The following SUPT3H variants were observed in gnomAD, a reference collection of about 807,000 sequenced individuals.
SUPT3H encodes the protein SPT3 homolog, SAGA and STAGA complex component, also known as transcription initiation protein SPT3 homolog.
In SUPT3H, 44 loss-of-function variants were observed where a neutral mutation model predicts 44.3. The observed-to-expected ratio is 0.99, with a 90% CI of 0.78 to 1.28. The LOEUF (loss-of-function observed/expected upper bound fraction) is 1.28, where lower values mean the gene tolerates loss of function less well. SUPT3H is among the 50% of genes most tolerant of loss of function. The pLI is 0.00. For synonymous variants in SUPT3H, 124 were observed against 125.6 expected, an observed-to-expected ratio of 0.99 and a Z score of 0.09; for missense variants, 380 against 387.1, an observed-to-expected ratio of 0.98 and a Z score of 0.15.
intron 2 of SUPT3H, among the ~76,000 whole-genome samples, chr6:45,283,936 T>A (rs1778676828): frequency 6.6e-6 from 1 of 152,106 alleles, no homozygotes; most frequent in Non-Finnish European, 1.5e-5. Flanking sequence ...AGAAACTCAC[T>A]CAGAACTGCT....
intron 6 of SUPT3H, among the ~76,000 whole-genome samples, chr6:44,996,401 ATATTT>A (rs1431412945): frequency 1.3e-5 from 2 of 151,818 alleles, no homozygotes; most frequent in African/African-American, 4.8e-5. Flanking sequence ...TAGTTTTGTC[ATATTT>A]TTATTCATTT....
chr6:45,356,645 TC>T (rs755174664), intron 2 of SUPT3H, among the ~76,000 whole-genome samples: 4 of 152,114 alleles, frequency 2.6e-5, no homozygotes, highest in Admixed American at 6.5e-5. Context: ...CCTCAAGTGA[TC>T]TGCCCACCTC....
chr6:45,324,900 C>T (rs1167688153), intron 2 of SUPT3H, among the ~76,000 whole-genome samples: 1 of 151,736 alleles, frequency 6.6e-6, no homozygotes, highest in African/African-American at 2.4e-5. Context: ...AACATATACC[C>T]CATTAAACAA....
At chr6:45,137,946 G>T (rs915272219) in intron 2 of SUPT3H, among the ~76,000 whole-genome samples, 1 of 151,972 alleles carries the variant, frequency 6.6e-6, no homozygotes, top group African/African-American at 2.4e-5. Context: ...AAAAGAGGGA[G>T]AAATTACTTG....
At chr6:45,093,175 T>C (rs1797363681) in intron 3 of SUPT3H, among the ~76,000 whole-genome samples, 1 of 152,078 alleles carries the variant, frequency 6.6e-6, no homozygotes, top group Admixed American at 6.5e-5. Flanking sequence ...GTTCTTCAAA[T>C]GTAGAAAAAT....
rs545021551 is a variant in SUPT3H at position 44,891,101 on chromosome 6, A to C, written c.912+41552T>G. 2.0e-4 allele frequency among the ~76,000 whole-genome samples: 31 copies of C among 152,292 alleles called. No individual in the cohort carries two copies. The South Asian group carries it at 5.0e-3, about 24-fold the overall frequency. On this transcript the variant is annotated intron_variant, in intron 10 of 10. Transcript: ENST00000371459. ...TATGTAACAAACCTGTACATTCTGCACATGTATCCCAGAACTTAAAGTATA... is the reference window on the plus strand; with the variant it reads ...TATGTAACAAACCTGTACATTCTGCCCATGTATCCCAGAACTTAAAGTATA...
chr6:44,936,111 C>T (rs1193386880), intron 9 of SUPT3H, among the ~76,000 whole-genome samples: 5 of 151,918 alleles, frequency 3.3e-5, no homozygotes, highest in African/African-American at 9.7e-5. Flanking sequence ...CTATTACTAA[C>T]ATTTTGCAGA....
rs186321669 is a variant in SUPT3H, at chr6:44,974,968, C to T, written c.505-13140G>A. ...GGTGGATCACCTGAGGTCAGGAGTT[C>T]GAGACCAGCCTGACCAATATGGTAA... On this transcript the variant is annotated intron_variant, in intron 6 of 10. Coordinates refer to ENST00000371459, the MANE Select transcript of SUPT3H (RefSeq NM_003599.4). 4.9e-3 allele frequency among the ~76,000 whole-genome samples: 739 copies of T among 152,134 alleles called. 4 individuals are homozygous for T. The highest frequency in any genetic ancestry group is 7.9e-3 in the Non-Finnish European group (539 of 67,978).
chr6:45,155,251 AC>A (rs1201463077), intron 2 of SUPT3H, among the ~76,000 whole-genome samples: 5 of 152,186 alleles, frequency 3.3e-5, no homozygotes, highest in African/African-American at 1.2e-4. Flanking sequence ...AGCTCTTACC[AC>A]TTGCCACATG....
intron 2 of SUPT3H, among the ~76,000 whole-genome samples, chr6:45,222,584 T>C (rs537759992): frequency 6.6e-6 from 1 of 152,314 alleles, no homozygotes; most frequent in African/African-American, 2.4e-5. Context: ...CATTCATACA[T>C]TTCTGATGAC....
intron 10 of SUPT3H, among the ~76,000 whole-genome samples, chr6:44,926,698 T>C (rs1769568356): frequency 6.6e-6 from 1 of 152,164 alleles, no homozygotes; most frequent in Non-Finnish European, 1.5e-5. Flanking sequence ...TAACAGTCTG[T>C]TAGTTTTCTC....
intron 2 of SUPT3H, among the ~76,000 whole-genome samples, chr6:45,237,249 C>A (rs958594385): frequency 6.6e-6 from 1 of 152,206 alleles, no homozygotes; most frequent in African/African-American, 2.4e-5. Flanking sequence ...ACATTTCAAT[C>A]ATTTCTCTAC....
At chr6:44,884,959 T>C (rs1778900578) in intron 10 of SUPT3H, among the ~76,000 whole-genome samples, 2 of 152,062 alleles carry the variant, frequency 1.3e-5, no homozygotes, top group South Asian at 2.1e-4. Flanking sequence ...CACCAGGAGA[T>C]TATATCCTGC....
chr6:45,353,998 G>A (rs1792613247), intron 2 of SUPT3H, among the ~76,000 whole-genome samples: 1 of 152,052 alleles, frequency 6.6e-6, no homozygotes. Flanking sequence ...TTCAAGCTCA[G>A]TTGTCAAAGA....
chr6:44,904,176 G>A (rs1317920192), intron 10 of SUPT3H, among the ~76,000 whole-genome samples: 3 of 151,226 alleles, frequency 2.0e-5, no homozygotes, highest in African/African-American at 7.3e-5. Context: ...GGAAGTTCTG[G>A]CCAGGGAGAA....
intron 3 of SUPT3H, among the ~76,000 whole-genome samples, chr6:45,021,101 G>GA (rs1277624358): frequency 1.3e-5 from 2 of 151,348 alleles, no homozygotes; most frequent in Admixed American, 6.6e-5. Context: ...ATATCCAAAG[G>GA]AAAAAAAATA....
At chr6:44,879,480 G>T (rs1220622956) in intron 10 of SUPT3H, among the ~76,000 whole-genome samples, 1 of 152,216 alleles carries the variant, frequency 6.6e-6, no homozygotes, top group Non-Finnish European at 1.5e-5. Flanking sequence ...TCTAGGGGAA[G>T]GGGTGGATGT....
chr6:44,865,427 TGCTGATA>T (rs1191477910), intron 10 of SUPT3H, among the ~76,000 whole-genome samples: 3 of 131,578 alleles, frequency 2.3e-5, no homozygotes, highest in Non-Finnish European at 5.3e-5. Context: ...ATTTTTATGC[TGCTGATA>T]AAGACATACC....
At chr6:45,277,716 G>T (rs925515555) in intron 2 of SUPT3H, among the ~76,000 whole-genome samples, 1 of 152,136 alleles carries the variant, frequency 6.6e-6, no homozygotes, top group Non-Finnish European at 1.5e-5. Context: ...TTGGATCTCC[G>T]ATTAGAAGTG....
Sources: gnomAD v4.1 joint callset for allele counts (sites outside exome capture counted in the v4.1 genomes callset) on GRCh38, gnomAD v4.1.1 for gene constraint, MANE v1.5 for transcripts, NCBI Gene and HGNC (gene_info 2026-07-23, HGNC 2026-07-21) for gene names.